The following PALLD variants were observed in gnomAD, a reference collection of about 807,000 sequenced individuals.
The protein encoded by PALLD is palladin, cytoskeletal associated protein, also known as palladin.
Under a neutral mutation model 123.5 loss-of-function variants are expected in PALLD, and 61 were observed. The ratio of observed to expected loss-of-function variants is 0.49; its 90% CI spans 0.40 to 0.61. The LOEUF (loss-of-function observed/expected upper bound fraction) is 0.61. Among genes scored for constraint, PALLD ranks in the 20% least tolerant of loss-of-function variants. The pLI is 0.00. For missense variants in PALLD, 1,273 were observed against 1,377.0 expected (o/e 0.92, Z 1.20); for synonymous variants, 465 against 496.4 (o/e 0.94, Z 0.84).
chr4:168,636,577 G>A (rs1046084529), intron 2 of PALLD, among the ~76,000 whole-genome samples: 5 of 152,112 alleles, frequency 3.3e-5, no homozygotes, highest in Non-Finnish European at 7.4e-5. Context: ...AACCTCTATA[G>A]AACTCACTCT....
chr4:168,566,425 G>A (rs1316807044), intron 2 of PALLD, among the ~76,000 whole-genome samples: 1 of 152,050 alleles, frequency 6.6e-6, no homozygotes, highest in East Asian at 1.9e-4. Context: ...AGCCTCCTAA[G>A]TAGCTGGAGC....
rs528820298 is a variant in PALLD, at chr4:168,641,252, A to G, written c.909-26938A>G. ...GAGATTCTAGGGCCCTGGCTCTAAG[A>G]CATACTGATTGCTTAAGTCTGAGTG... On this transcript the variant is annotated intron_variant, in intron 2 of 21. Transcript: ENST00000505667. Among the ~76,000 whole-genome samples the G allele has an allele frequency of 1.9e-4, 29 of 151,368 alleles. No individual in the cohort carries two copies. In the East Asian group the frequency reaches 5.1e-3, roughly 26 times the overall value.
intron 10 of PALLD, among the ~76,000 whole-genome samples, chr4:168,805,009 A>T (rs897455385): frequency 3.4e-4 from 52 of 152,214 alleles, no homozygotes; most frequent in African/African-American, 1.2e-3. Context: ...AAATACAAAA[A>T]TTAGCTGGGC....
chr4:168,766,893 G>T (rs1042528523), intron 10 of PALLD, among the ~76,000 whole-genome samples: 1 of 152,164 alleles, frequency 6.6e-6, no homozygotes, highest in Admixed American at 6.5e-5. Flanking sequence ...TAGAGGATGG[G>T]TCTTATCTCA....
In PALLD at chr4:168,579,538, C is replaced by G. The variant is rs1038320072; in HGVS notation, c.908+67126C>G. 5.3e-5 allele frequency among the ~76,000 whole-genome samples: 8 copies of G among 151,606 alleles called. No homozygotes were observed. The East Asian group carries it at 1.5e-3, about 29-fold the overall frequency. The stretch of plus-strand genomic sequence containing the variant: ...AGTTAGGTAAACAAGCATATAATAT[C>G]GGGTAGTTAAAGACGGAAAAGGTCT... On this transcript the variant is annotated intron_variant, in intron 2 of 21. Coordinates refer to ENST00000505667, the MANE Select transcript of PALLD (RefSeq NM_001166108.2).
intron 10 of PALLD, among the ~76,000 whole-genome samples, chr4:168,732,164 C>T (rs76828974): frequency 0.012 from 1,795 of 152,272 alleles, 33 homozygotes; most frequent in African/African-American, 0.04. Flanking sequence ...ATGTACCTAC[C>T]ACTTTCATCC....
intron 10 of PALLD, among the ~76,000 whole-genome samples, chr4:168,734,691 C>G (rs1232982665): frequency 6.6e-6 from 1 of 152,116 alleles, no homozygotes; most frequent in Non-Finnish European, 1.5e-5. Flanking sequence ...AAAAAATGAC[C>G]TTTCCAGGAA....
At chr4:168,718,534 T>G (rs903879252) in intron 10 of PALLD, among the ~76,000 whole-genome samples, 1 of 152,214 alleles carries the variant, frequency 6.6e-6, no homozygotes. Context: ...GCCATTACTT[T>G]CATTTCTTTT....
intron 2 of PALLD, among the ~76,000 whole-genome samples, chr4:168,591,605 A>G (rs1771440585): frequency 6.6e-6 from 1 of 152,182 alleles, no homozygotes; most frequent in Non-Finnish European, 1.5e-5. Context: ...CCTGCGTATA[A>G]TCTCAGAAAC....
chr4:168,856,144 C>T (rs1022576483), intron 10 of PALLD, among the ~76,000 whole-genome samples: 4 of 152,218 alleles, frequency 2.6e-5, no homozygotes, highest in East Asian at 3.8e-4. Flanking sequence ...TGGCCTCGAG[C>T]TGCATCCATG....
intron 2 of PALLD, among the ~76,000 whole-genome samples, chr4:168,547,204 T>C (rs2149526165): frequency 6.6e-6 from 1 of 152,256 alleles, no homozygotes; most frequent in Admixed American, 6.5e-5. Flanking sequence ...ACACGCCTAC[T>C]AACTGGGTGT....
chr4:168,701,448 G>A (rs1404840985), intron 8 of PALLD, among the ~76,000 whole-genome samples: 1 of 152,238 alleles, frequency 6.6e-6, no homozygotes, highest in Non-Finnish European at 1.5e-5. Flanking sequence ...AGAGCCCTCT[G>A]ATTTAGAAGG....
intron 2 of PALLD, among the ~76,000 whole-genome samples, chr4:168,578,282 C>T (rs911938749): frequency 6.6e-6 from 1 of 151,338 alleles, no homozygotes; most frequent in Non-Finnish European, 1.5e-5. Flanking sequence ...GGGTCCCCAC[C>T]TAACGCTCAT....
At chr4:168,917,001 ACATCTTT>A (rs1164269652) in intron 17 of PALLD, among the ~76,000 whole-genome samples, 3 of 147,104 alleles carry the variant, frequency 2.0e-5, no homozygotes, top group Non-Finnish European at 4.5e-5. Flanking sequence ...AGTTAGAGGG[ACATCTTT>A]CTTTCATCTG....
chr4:168,812,990 A>G (rs977594425), intron 10 of PALLD, among the ~76,000 whole-genome samples: 1 of 152,078 alleles, frequency 6.6e-6, no homozygotes, highest in Non-Finnish European at 1.5e-5. Flanking sequence ...CTGGGCCTGG[A>G]GCTGAGGGAC....
At position 168,681,386 on chromosome 4, in the gene PALLD, G is replaced by C; in HGVS notation, c.1142G>C (p.Gly381Ala). The part of the protein sequence containing the change: ...SESLAFKSRA[G>A]AMPQAQKKTT... ...AGTTTAGCTTTCAAATCAAGAGCTG[G>C]AGCTATGCCACAGTAAGTGCCTACA... Residue 381 changes from glycine (G) to alanine (A), a missense_variant, in exon 4 of 22, where the codon GGA becomes GCA. Physicochemically the swap from Gly to Ala is moderately conservative, Grantham distance 60 (BLOSUM62 0). Coordinates refer to ENST00000505667, the MANE Select transcript of PALLD (RefSeq NM_001166108.2). 1 of 1,603,216 alleles carries C rather than the reference G, an allele frequency of 6.2e-7. No homozygotes were observed. Among genetic ancestry groups the C allele is most frequent in the Non-Finnish European group, 8.5e-7 (1 of 1,170,424 alleles).
chr4:168,899,203 A>G (rs1260032320), intron 14 of PALLD, among the ~76,000 whole-genome samples: 2 of 152,194 alleles, frequency 1.3e-5, no homozygotes, highest in African/African-American at 4.8e-5. Flanking sequence ...AATATTGTTT[A>G]GAACGGATAA....
intron 2 of PALLD, among the ~76,000 whole-genome samples, chr4:168,664,570 A>G (rs1233779246): frequency 6.6e-6 from 1 of 152,204 alleles, no homozygotes; most frequent in Non-Finnish European, 1.5e-5. Context: ...ATTGTAATAC[A>G]TAGGAGAAAT....
chr4:168,636,404 G>C (rs941230782), intron 2 of PALLD, among the ~76,000 whole-genome samples: 2 of 152,208 alleles, frequency 1.3e-5, no homozygotes, highest in Non-Finnish European at 1.5e-5. Context: ...AAGATCGCTT[G>C]AGCTCAGAAA....
Sources: gnomAD v4.1 joint callset for allele counts (sites outside exome capture counted in the v4.1 genomes callset) on GRCh38, gnomAD v4.1.1 for gene constraint, MANE v1.5 for transcripts, NCBI Gene and HGNC (gene_info 2026-07-23, HGNC 2026-07-21) for gene names.